AACS: variants seen among roughly 807,000 people sequenced by gnomAD.
The protein encoded by AACS is acetoacetate-CoA ligase.
AACS carries 69 observed loss-of-function variants against 83.1 expected under a neutral mutation model. The observed-to-expected ratio is 0.83, with a 90% CI of 0.68 to 1.01. The LOEUF (loss-of-function observed/expected upper bound fraction) is 1.01, where lower values mean the gene tolerates loss of function less well. Among genes scored for constraint, AACS ranks in the 50% least tolerant of loss-of-function variants. The probability of loss-of-function intolerance (pLI) is 0.00; values close to 1 mark genes in which losing one functional copy is unlikely to be tolerated. For synonymous variants in AACS, 333 were observed against 343.4 expected (o/e 0.97, Z 0.33); for missense variants, 866 against 882.2 (o/e 0.98, Z 0.23).
At chr12:125,137,525 CTTTTAGT>C (rs1426260094) in intron 17 of AACS, among the ~76,000 whole-genome samples, 1 of 152,224 alleles carries the variant, frequency 6.6e-6, no homozygotes, top group Non-Finnish European at 1.5e-5. Flanking sequence ...TTGCTGTTGC[CTTTTAGT>C]TTTAAGTTCT....
rs1209659318 is a variant in AACS at position 125,102,790 on chromosome 12, A to G, written c.682A>G (p.Lys228Glu). Residue 228 changes from lysine to glutamate, a missense_variant, in exon 6 of 18, where the codon AAA (lysine) becomes GAA (glutamate). Coordinates refer to ENST00000316519, the MANE Select transcript of AACS (RefSeq NM_023928.5). The part of the protein sequence containing the change: ...NHMEKLQQVV[K>E]GLPDLKKVVV... ...CATGGAAAAGCTGCAGCAGGTGGTT[A>G]AAGGTGTGTGGCCCTTCCGGCTCCC... is the stretch of plus-strand genomic sequence containing the variant. 3 of 1,613,996 alleles carry G rather than the reference A, an allele frequency of 1.9e-6. No homozygotes were observed. The highest frequency in any genetic ancestry group is 2.5e-6 in the Non-Finnish European group (3 of 1,179,856).
chr12:125,118,704 T>A lies in AACS; in HGVS notation c.1060T>A (p.Tyr354Asn). 1.2e-6 allele frequency: 2 copies of A among 1,614,126 alleles called. No homozygotes were observed. The highest frequency in any genetic ancestry group is 1.7e-6 in the Non-Finnish European group (2 of 1,179,988). ...LLATGAAMVL[Y>N]DGSPLVPTPN... ...GGCCACAGGAGCGGCCATGGTCTTG[T>A]ACGATGGCTCCCCCCTGGTGCCCAC... The change falls in exon 10 of 18, where the codon TAC becomes AAC. Residue 354 changes from tyrosine (Y) to asparagine (N), a missense_variant. By Grantham distance (143) the Tyr-to-Asn change is moderately radical (BLOSUM62 -2). Transcript: ENST00000316519.
intron 13 of AACS, 95 bp downstream of exon 13, chr12:125,128,369 C>G: frequency 8.9e-7 from 1 of 1,118,334 alleles, no homozygotes; most frequent in South Asian, 1.8e-5. Flanking sequence ...CATAGTTCTC[C>G]AAAACAGCCC....
rs139889995 is a variant in AACS at position 125,097,153 on chromosome 12, C to T, written c.571-5526C>T. Among the ~76,000 whole-genome samples, 376 of 152,214 alleles carry T rather than the reference C, an allele frequency of 2.5e-3. 2 individuals are homozygous for T. Among genetic ancestry groups the T allele is most frequent in the Middle Eastern group, 0.01 (3 of 294 alleles). On this transcript the variant is annotated intron_variant, in intron 5 of 17. Coordinates refer to ENST00000316519, the MANE Select transcript of AACS (RefSeq NM_023928.5). The surrounding 1 kb of genome is among the most constrained non-coding windows in gnomAD (Gnocchi z 4.3). Reference sequence around the variant, plus strand: ...CCGGGGTGCCACCTGCCTGCAGACTCGGCCTGTTGCTGCTGGACTCCTGGG... The same window carrying T: ...CCGGGGTGCCACCTGCCTGCAGACTTGGCCTGTTGCTGCTGGACTCCTGGG...
At chr12:125,074,815 C>T (rs2136039021) in intron 2 of AACS, among the ~76,000 whole-genome samples, 1 of 151,518 alleles carries the variant, frequency 6.6e-6, no homozygotes, top group South Asian at 2.1e-4. Flanking sequence ...AGTCATGCAC[C>T]ACCACGCCTG....
chr12:125,082,710 A>C (rs1044552627), intron 3 of AACS, among the ~76,000 whole-genome samples: 4 of 151,956 alleles, frequency 2.6e-5, no homozygotes, highest in South Asian at 2.1e-4. Flanking sequence ...AGTACCAGCT[A>C]CTCGGGAGGC....
Position 125,118,216 on chromosome 12 carries a change from G to C in AACS, c.997-425G>C, listed in dbSNP as rs146879245. 6.2e-5 allele frequency: 11 copies of C among 177,912 alleles called. No homozygotes were observed. In the East Asian group the frequency reaches 2.0e-3, roughly 32 times the overall value. The allele number at this position is 177,912 out of a possible 1,614,324, so 11.0% of individuals were successfully genotyped here. ...ATGAACAATGTCTTGGGGTGGTTCCGTGTCAGTCCAGACCTCATTCTGTTT... is the reference window on the plus strand; with the variant it reads ...ATGAACAATGTCTTGGGGTGGTTCCCTGTCAGTCCAGACCTCATTCTGTTT... On this transcript the variant is annotated intron_variant, in intron 9 of 17. Transcript: ENST00000316519.
chr12:125,098,975 TG>T (rs959097515), intron 5 of AACS, among the ~76,000 whole-genome samples: 13 of 152,188 alleles, frequency 8.5e-5, no homozygotes, highest in Admixed American at 2.6e-4. Context: ...GCAGGTGGGC[TG>T]GGGGTGGGCG....
intron 3 of AACS, 93 bp from the exon 4 acceptor site, chr12:125,086,237 A>G (rs1015541567): frequency 7.6e-5 from 82 of 1,083,606 alleles, no homozygotes; most frequent in Non-Finnish European, 1.1e-4. Context: ...AATAACCTGC[A>G]TTGAAACAGG....
intron 8 of AACS, among the ~76,000 whole-genome samples, chr12:125,110,024 CT>C (rs71306290): frequency 4.2e-4 from 62 of 145,930 alleles, no homozygotes; most frequent in Middle Eastern, 3.5e-3. Context: ...TGGTGCTTTG[CT>C]TTTTTTTTTT....
Position 125,134,449 on chromosome 12 carries a change from C to G in AACS, c.1620-345C>G, listed in dbSNP as rs369228579. Among the ~76,000 whole-genome samples the G allele has an allele frequency of 4.6e-5, 7 of 152,134 alleles. No homozygotes were observed. In the South Asian group the frequency reaches 1.4e-3, roughly 31 times the overall value. ...TTCCTTCCCGAGGGATGGGTCTGGGCGTGATCCAAGTCTCCCTGCCCTGTG... is the reference window on the plus strand; with the variant it reads ...TTCCTTCCCGAGGGATGGGTCTGGGGGTGATCCAAGTCTCCCTGCCCTGTG... On this transcript the variant is annotated intron_variant, in intron 15 of 17. Coordinates refer to ENST00000316519, the MANE Select transcript of AACS (RefSeq NM_023928.5).
At position 125,107,241 on chromosome 12, in the gene AACS, A is replaced by G. The variant is rs1956855023; in HGVS notation, c.888A>G (p.Ala296=). The change falls in exon 8 of 18, where the codon GCA becomes GCG. Residue 296 remains alanine (A), a synonymous_variant. Transcript: ENST00000316519. ...FIMFSSGTTG[A]PKCMVHSAGG... ...TGTTCTCATCGGGCACCACGGGCGC[A>G]CCCAAGTGCATGGTGCATTCCGCTG... The G allele has an allele frequency of 6.2e-7, 1 of 1,613,864 alleles. No individual in the cohort carries two copies. Among genetic ancestry groups the G allele is most frequent in the African/African-American group, 1.3e-5 (1 of 74,928 alleles).
In AACS at chr12:125,129,023, C is replaced by G; in HGVS notation, c.1424-312C>G. 1 of 226,298 alleles carries G rather than the reference C, an allele frequency of 4.4e-6. No homozygotes were observed. The highest frequency in any genetic ancestry group is 7.5e-5 in the South Asian group (1 of 13,280). The allele number at this position is 226,298 out of a possible 1,614,324, so 14.0% of individuals were successfully genotyped here. On this transcript the variant is annotated intron_variant, in intron 13 of 17. Transcript: ENST00000316519. The surrounding 1 kb of genome is among the most constrained non-coding windows in gnomAD (Gnocchi z 4.3). ...CATAGAAGGACAGCGTGTATGTGTT[C>G]AAAGGCATGCAGAGTGACGACATAT...
At chr12:125,082,637 A>G (rs12227623) in intron 3 of AACS, among the ~76,000 whole-genome samples, 46,594 of 151,868 alleles carry the variant, frequency 0.31, 8,756 homozygotes, top group Non-Finnish European at 0.43. Flanking sequence ...CCTGGCCAAC[A>G]TGGTGAAAGC....
At position 125,092,898 on chromosome 12, in the gene AACS, G is replaced by C. The variant is rs528612754; in HGVS notation, c.570+1375G>C. Among the ~76,000 whole-genome samples, 3 of 152,336 alleles carry C rather than the reference G, an allele frequency of 2.0e-5. No homozygotes were observed. In the South Asian group the frequency reaches 6.2e-4, roughly 32 times the overall value. On this transcript the variant is annotated intron_variant, in intron 5 of 17. Transcript: ENST00000316519. The stretch of plus-strand genomic sequence containing the variant: ...CCAGGCTGTCCAGGGCAGAGGGAAG[G>C]GCCCCAGGGTGAGACGGCAGGATGG...
Position 125,072,958 on chromosome 12 carries a change from C to T in AACS, c.134-918C>T, listed in dbSNP as rs534082674. Among the ~76,000 whole-genome samples the T allele has an allele frequency of 2.6e-4, 30 of 116,904 alleles. 1 individual carries two copies. Among genetic ancestry groups the T allele is most frequent in the African/African-American group, 3.9e-4 (11 of 27,970 alleles). 76.7% of individuals were successfully genotyped at this position (116,904 alleles called of 152,430 possible). A position where few individuals can be genotyped will look rare whatever the true frequency, so the allele number is the denominator to read the frequency against. ...TTTTTTTTTTTTTGAGATGGAGTTTCGCTCTGTTGCCCAGGCTAGAGTGCA... is the reference window on the plus strand; with the variant it reads ...TTTTTTTTTTTTTGAGATGGAGTTTTGCTCTGTTGCCCAGGCTAGAGTGCA... On this transcript the variant is annotated intron_variant, in intron 1 of 17. Transcript: ENST00000316519.
intron 16 of AACS, 68 bp from the exon 17 acceptor site, chr12:125,136,594 T>C: frequency 7.3e-7 from 1 of 1,378,624 alleles, no homozygotes; most frequent in Admixed American, 1.8e-5. Context: ...TCTGCCAGGT[T>C]GCTGTGAGGC....
chr12:125,107,025 G>A, intron 7 of AACS, 96 bp from the exon 8 acceptor site: 1 of 1,548,400 alleles, frequency 6.5e-7, no homozygotes. Context: ...GCTTTTCTGG[G>A]GGTAGAAACA....
At position 125,097,978 on chromosome 12, in the gene AACS, T is replaced by C. The variant is rs1327236902; in HGVS notation, c.571-4701T>C. 6.6e-6 allele frequency among the ~76,000 whole-genome samples: 1 copy of C among 152,248 alleles called. No individual in the cohort carries two copies. The highest frequency in any genetic ancestry group is 6.5e-5 in the Admixed American group (1 of 15,280). On this transcript the variant is annotated intron_variant, in intron 5 of 17. Coordinates refer to ENST00000316519, the MANE Select transcript of AACS (RefSeq NM_023928.5). The surrounding 1 kb of genome is among the most constrained non-coding windows in gnomAD (Gnocchi z 4.3). ...CTCTCACGCGTGCCGTCGTAGTAGC[T>C]TCCGACCAGTCTCATTTCTGCTTCT...
Sources: allele counts gnomAD v4.1 joint callset (sites outside exome capture counted in the v4.1 genomes callset), GRCh38; gene constraint gnomAD v4.1.1; non-coding constraint Gnocchi (gnomAD v3.1); transcripts MANE v1.5; gene names NCBI Gene and HGNC (gene_info 2026-07-23, HGNC 2026-07-21).